Variants in CLMP observed in about 807,000 individuals in gnomAD.
CLMP encodes the protein CXADR like cell adhesion molecule, also known as CXADR-like membrane protein.
A neutral mutation model predicts 45.2 loss-of-function variants in CLMP; 27 were observed. The observed-to-expected ratio is 0.60, with a 90% CI of 0.44 to 0.82. CLMP has a LOEUF of 0.82. Among genes scored for constraint, CLMP ranks in the 40% least tolerant of loss-of-function variants. The pLI is 0.00. For missense variants in CLMP, 403 were observed against 448.4 expected, an observed-to-expected ratio of 0.90 and a Z score of 0.91; for synonymous variants, 167 against 171.4, an observed-to-expected ratio of 0.97 and a Z score of 0.20.
intron 2 of CLMP, among the ~76,000 whole-genome samples, chr11:123,091,958 G>A (rs1328197032): frequency 6.6e-6 from 1 of 152,080 alleles, no homozygotes; most frequent in East Asian, 1.9e-4. Context: ...TCTGAATCTC[G>A]TTGTCCCCAA....
At chr11:123,129,324 G>A (rs565173251) in intron 1 of CLMP, among the ~76,000 whole-genome samples, 88 of 146,052 alleles carry the variant, frequency 6.0e-4, no homozygotes, top group Non-Finnish European at 1.1e-3. Context: ...GTGAAACTCT[G>A]TCTTAATATA....
intron 1 of CLMP, among the ~76,000 whole-genome samples, chr11:123,151,569 G>C (rs568696341): frequency 6.6e-6 from 1 of 152,244 alleles, no homozygotes; most frequent in East Asian, 1.9e-4. Context: ...CTTTTCCAGC[G>C]GAGGAACTCA....
intron 1 of CLMP, among the ~76,000 whole-genome samples, chr11:123,164,272 A>G (rs544457345): frequency 1.3e-5 from 2 of 152,294 alleles, no homozygotes; most frequent in East Asian, 3.9e-4. Flanking sequence ...CACAATTAGT[A>G]GGAACTCATT....
At chr11:123,106,407 GTGTGTGTGTGTGT>G (rs1860551864) in intron 1 of CLMP, among the ~76,000 whole-genome samples, 1 of 123,440 alleles carries the variant, frequency 8.1e-6, no homozygotes, top group African/African-American at 3.0e-5. Flanking sequence ...GTGTGTGTGT[GTGTGTGTGTGTGT>G]GTGTGCGCGC....
At chr11:123,115,026 T>A (rs368343461) in intron 1 of CLMP, among the ~76,000 whole-genome samples, 44 of 152,278 alleles carry the variant, frequency 2.9e-4, no homozygotes, top group African/African-American at 1.0e-3. Flanking sequence ...CTTCATGTTT[T>A]CTACTCTTGG....
chr11:123,167,446 T>A (rs769919226), intron 1 of CLMP, among the ~76,000 whole-genome samples: 1 of 152,014 alleles, frequency 6.6e-6, no homozygotes, highest in African/African-American at 2.4e-5. Context: ...CCACCACGCC[T>A]GGCTAATTTT....
At chr11:123,184,256 G>C (rs932037275) in intron 1 of CLMP, among the ~76,000 whole-genome samples, 2 of 152,006 alleles carry the variant, frequency 1.3e-5, no homozygotes, top group African/African-American at 2.4e-5. Flanking sequence ...CACCACGCCA[G>C]GCTAATTTTT....
chr11:123,191,952 A>G (rs765880516), intron 1 of CLMP, among the ~76,000 whole-genome samples: 4 of 152,224 alleles, frequency 2.6e-5, no homozygotes, highest in Admixed American at 1.3e-4. Flanking sequence ...TTCAAAGGTC[A>G]AATAGACTAC....
intron 1 of CLMP, among the ~76,000 whole-genome samples, chr11:123,187,465 A>C (rs1438261747): frequency 6.6e-6 from 1 of 152,190 alleles, no homozygotes; most frequent in Non-Finnish European, 1.5e-5. Context: ...TCTCTCAGGG[A>C]TTTCATTTTT....
At chr11:123,178,603 G>A (rs1194146395) in intron 1 of CLMP, among the ~76,000 whole-genome samples, 3 of 152,196 alleles carry the variant, frequency 2.0e-5, no homozygotes, top group Non-Finnish European at 4.4e-5. Flanking sequence ...GACATAACAT[G>A]ACCTCCATTC....
Position 123,145,983 on chromosome 11 carries a change from A to G in CLMP, c.29-48031T>C, listed in dbSNP as rs139069976. Among the ~76,000 whole-genome samples the G allele has an allele frequency of 3.7e-4, 56 of 152,336 alleles. No homozygotes were observed. The East Asian group carries it at 4.1e-3, about 11-fold the overall frequency. Reference sequence around the variant, plus strand: ...AGGCGGGGTCTGGGCCTGCGCAGATAGCTCCCAGCTGCTCATTAACGCTGC... The same window carrying G: ...AGGCGGGGTCTGGGCCTGCGCAGATGGCTCCCAGCTGCTCATTAACGCTGC... On this transcript the variant is annotated intron_variant, in intron 1 of 6. Transcript: ENST00000448775.
rs368273411 is a variant in CLMP at position 123,083,857 on chromosome 11, G to T, written c.389-10C>A. On this transcript the variant is annotated splice_polypyrimidine_tract_variant and intron_variant, in intron 3 of 6. Coordinates refer to ENST00000448775, the MANE Select transcript of CLMP (RefSeq NM_024769.5). ...GGCTTGGATGGTCTCACTGGCAACA[G>T]CAACAACAAGCAAAAGTGTAGTGAT... 41 of 1,611,794 alleles carry T rather than the reference G, an allele frequency of 2.5e-5. No individual in the cohort carries two copies. The East Asian group carries it at 7.1e-4, about 28-fold the overall frequency.
chr11:123,087,907 GTTTC>G (rs1315415420), intron 2 of CLMP, among the ~76,000 whole-genome samples: 2 of 150,700 alleles, frequency 1.3e-5, no homozygotes, highest in South Asian at 2.1e-4. Flanking sequence ...GTTTCGTTTT[GTTTC>G]TTTTTTTTTT....
intron 2 of CLMP, among the ~76,000 whole-genome samples, chr11:123,089,147 G>A (rs1426901628): frequency 6.6e-6 from 1 of 152,012 alleles, no homozygotes; most frequent in Non-Finnish European, 1.5e-5. Context: ...CACTTTGGGA[G>A]GCCAAGGCAG....
intron 1 of CLMP, among the ~76,000 whole-genome samples, chr11:123,151,746 GAACC>G (rs1438734862): frequency 6.6e-6 from 1 of 152,122 alleles, no homozygotes; most frequent in Non-Finnish European, 1.5e-5. Context: ...AGTATGATAG[GAACC>G]AAATAAATGC....
intron 1 of CLMP, among the ~76,000 whole-genome samples, chr11:123,179,094 T>C (rs1187532860): frequency 6.6e-6 from 1 of 152,146 alleles, no homozygotes; most frequent in African/African-American, 2.4e-5. Context: ...GCCTGATAAA[T>C]GTTTTTAAAA....
At chr11:123,121,327 T>G (rs1452169931) in intron 1 of CLMP, among the ~76,000 whole-genome samples, 2 of 152,068 alleles carry the variant, frequency 1.3e-5, no homozygotes, top group Non-Finnish European at 2.9e-5. Flanking sequence ...AGATGGTGTC[T>G]CGTTCTGTCG....
At chr11:123,143,188 C>T (rs575931784) in intron 1 of CLMP, among the ~76,000 whole-genome samples, 8 of 152,286 alleles carry the variant, frequency 5.3e-5, no homozygotes, top group South Asian at 2.1e-4. Context: ...GCAGGAGCCA[C>T]GTTTCACTGT....
At chr11:123,097,280 C>A (rs1487728367) in intron 2 of CLMP, among the ~76,000 whole-genome samples, 3 of 152,156 alleles carry the variant, frequency 2.0e-5, no homozygotes, top group Admixed American at 2.0e-4. Context: ...ATCCTCCCAC[C>A]TCAGCCTCCC....
Sources: gnomAD v4.1 joint callset for allele counts (sites outside exome capture counted in the v4.1 genomes callset) on GRCh38, gnomAD v4.1.1 for gene constraint, MANE v1.5 for transcripts, NCBI Gene and HGNC (gene_info 2026-07-23, HGNC 2026-07-21) for gene names.